The following RGPD3 variants were observed in gnomAD, a reference collection of about 807,000 sequenced individuals.
RGPD3 encodes RANBP2 like and GRIP domain containing 3.
A neutral mutation model predicts 154.5 loss-of-function variants in RGPD3; 62 were observed. The ratio of observed to expected loss-of-function variants is 0.40; its 90% confidence interval spans 0.33 to 0.50. The LOEUF is 0.50. Among genes scored for constraint, RGPD3 ranks in the 20% least tolerant of loss-of-function variants. The pLI is 0.59. For synonymous variants in RGPD3, 308 were observed against 607.0 expected, an observed-to-expected ratio of 0.51 and a Z score of 7.24; for missense variants, 919 against 1,716.8, an observed-to-expected ratio of 0.54 and a Z score of 8.21.
At chr2:106,466,253 T>C (rs1016451789) in intron 1 of RGPD3, among the ~76,000 whole-genome samples, 2 of 151,906 alleles carry the variant, frequency 1.3e-5, no homozygotes, top group South Asian at 2.1e-4. Flanking sequence ...TTCCTGCGCT[T>C]GCAAGCGCCG....
intron 22 of RGPD3, among the ~76,000 whole-genome samples, chr2:106,410,891 A>G (rs1478109665): frequency 6.6e-6 from 1 of 152,134 alleles, no homozygotes; most frequent in Non-Finnish European, 1.5e-5. Context: ...AACCTATCCT[A>G]TAGTTTGAAG....
At chr2:106,430,083 C>T (rs945060639) in intron 17 of RGPD3, among the ~76,000 whole-genome samples, 9 of 150,344 alleles carry the variant, frequency 6.0e-5, no homozygotes, top group Non-Finnish European at 8.9e-5. Flanking sequence ...GCGGTTTCAC[C>T]ATGTTTGCCA....
intron 22 of RGPD3, among the ~76,000 whole-genome samples, chr2:106,411,826 A>G (rs1375270925): frequency 3.3e-5 from 5 of 152,202 alleles, no homozygotes; most frequent in Non-Finnish European, 7.3e-5. Flanking sequence ...TCAAACAAAC[A>G]AAAACACAAC....
chr2:106,424,282 C>T lies in RGPD3; in HGVS notation c.3685G>A (p.Ala1229Thr). ...EENKGSGTGA[A>T]GASDTTIKPN... ...TTTATTGTTGTGTCTGAGGCACCGG[C>T]CGCACCTGTACCTGAACCCTTATTT... Residue 1229 changes from alanine (A) to threonine (T), a missense_variant, in exon 20 of 23, where the codon GCC becomes ACC. Physicochemically the swap from Ala to Thr is moderately conservative, Grantham distance 58. Coordinates refer to ENST00000409886, the MANE Select transcript of RGPD3 (RefSeq NM_001144013.2). 6.2e-7 allele frequency: 1 copy of T among 1,611,962 alleles called. No homozygotes were observed. The highest frequency in any genetic ancestry group is 8.5e-7 in the Non-Finnish European group (1 of 1,179,862).
At chr2:106,450,004 G>C (rs1167271794) in intron 6 of RGPD3, among the ~76,000 whole-genome samples, 1 of 148,186 alleles carries the variant, frequency 6.7e-6, no homozygotes, top group Non-Finnish European at 1.5e-5. Flanking sequence ...GCAACAGAGC[G>C]AGACTCCGTC....
At chr2:106,412,793 C>T in intron 22 of RGPD3, 2 of 588,828 alleles carry the variant, frequency 3.4e-6, no homozygotes, top group African/African-American at 1.8e-5. Flanking sequence ...AAACCACGTT[C>T]AGCTGAACAC....
rs556567987 is a variant in RGPD3 at position 106,437,840 on chromosome 2, A to G, written c.1277-986T>C. Reference sequence around the variant, plus strand: ...TATTTATAGTTTTAATACAGAGACTATGGGAGAGAATTCATGAAGGAAGCA... The same window carrying G: ...TATTTATAGTTTTAATACAGAGACTGTGGGAGAGAATTCATGAAGGAAGCA... On this transcript the variant is annotated intron_variant, in intron 9 of 22. Transcript: ENST00000409886. 1.6e-3 allele frequency among the ~76,000 whole-genome samples: 239 copies of G among 152,222 alleles called. 2 individuals are homozygous for G. The highest frequency in any genetic ancestry group is 3.4e-3 in the Middle Eastern group (1 of 294).
intron 22 of RGPD3, among the ~76,000 whole-genome samples, chr2:106,410,310 C>G (rs1385055152): frequency 1.3e-5 from 2 of 152,124 alleles, no homozygotes; most frequent in African/African-American, 4.8e-5. Context: ...CTTTAAAGGG[C>G]AAACTAATTT....
chr2:106,434,166 A>G (rs1296713817), intron 15 of RGPD3, 62 bp downstream of exon 15: 1 of 1,596,820 alleles, frequency 6.3e-7, no homozygotes, highest in Non-Finnish European at 8.5e-7. Context: ...TATAAGACCA[A>G]CGCAAAAACA....
At chr2:106,458,986 C>T (rs1486469756) in intron 2 of RGPD3, among the ~76,000 whole-genome samples, 2 of 141,258 alleles carry the variant, frequency 1.4e-5, no homozygotes, top group African/African-American at 5.0e-5. Flanking sequence ...AGGCATGGTC[C>T]TCTTTTACTT....
intron 7 of RGPD3, among the ~76,000 whole-genome samples, chr2:106,441,715 G>C (rs1320286963): frequency 6.6e-6 from 1 of 150,688 alleles, no homozygotes; most frequent in Non-Finnish European, 1.5e-5. Context: ...AAAAAACAAA[G>C]AGCCAGGCGT....
chr2:106,410,259 T>C (rs1272016121), intron 22 of RGPD3, among the ~76,000 whole-genome samples: 2 of 152,200 alleles, frequency 1.3e-5, no homozygotes, highest in Non-Finnish European at 2.9e-5. Flanking sequence ...ATAAGGTCTC[T>C]TTTATGTACT....
chr2:106,410,393 C>T (rs902847034), intron 22 of RGPD3, among the ~76,000 whole-genome samples: 1 of 152,062 alleles, frequency 6.6e-6, no homozygotes, highest in African/African-American at 2.4e-5. Flanking sequence ...TAATGTGTAT[C>T]TCCTCTATGA....
rs547215583 is a variant in RGPD3 at position 106,468,256 on chromosome 2, G to T, written c.33C>A (p.Tyr11Ter). Residue 11 changes from tyrosine to a stop codon, truncating the protein, a stop_gained, in exon 1 of 23, where the codon TAC becomes TAA. Transcript: ENST00000409886. LOFTEE classifies it high-confidence loss of function. MSCSKAYGERYVASVQGSAPS... is the reference protein window; with the variant it reads MSCSKAYGER ...GGGCGGAGCCCTGCACCGAGGCGAC[G>T]TACCGCTCCCCGTAGGCCTTGCTGC... 1.3e-5 allele frequency: 21 copies of T among 1,607,730 alleles called. No individual in the cohort carries two copies. The African/African-American group carries it at 2.4e-4, about 19-fold the overall frequency.
At chr2:106,410,499 C>A (rs575432379) in intron 22 of RGPD3, among the ~76,000 whole-genome samples, 1 of 152,122 alleles carries the variant, frequency 6.6e-6, no homozygotes, top group Non-Finnish European at 1.5e-5. Flanking sequence ...GCCACCTGGA[C>A]GTTAGCAACA....
intron 20 of RGPD3, among the ~76,000 whole-genome samples, chr2:106,420,967 A>G (rs1676966575): frequency 6.6e-6 from 1 of 152,062 alleles, no homozygotes; most frequent in Non-Finnish European, 1.5e-5. Flanking sequence ...TACACAGGTT[A>G]TATTTTATTT....
rs1448363930 is a variant in RGPD3 at position 106,416,002 on chromosome 2, G to C, written c.4925-13C>G. The C allele has an allele frequency of 2.5e-6, 4 of 1,611,210 alleles. No homozygotes were observed. In the African/African-American group the frequency reaches 5.4e-5, roughly 22 times the overall value. ...CATAATGGAGGCTCTGCAACATGTTGTTCCAAGAATTAATTTTCAAAATCA... is the reference window on the plus strand; with the variant it reads ...CATAATGGAGGCTCTGCAACATGTTCTTCCAAGAATTAATTTTCAAAATCA... On this transcript the variant is annotated splice_polypyrimidine_tract_variant and intron_variant, in intron 20 of 22. Coordinates refer to ENST00000409886, the MANE Select transcript of RGPD3 (RefSeq NM_001144013.2).
At chr2:106,421,889 A>G (rs1677001281) in intron 20 of RGPD3, among the ~76,000 whole-genome samples, 1 of 151,562 alleles carries the variant, frequency 6.6e-6, no homozygotes, top group South Asian at 2.1e-4. Context: ...ACATTTTAAA[A>G]AACAAACCAA....
chr2:106,470,935 C>G, upstream of RGPD3: 1 of 1,560,148 alleles, frequency 6.4e-7, no homozygotes, highest in Admixed American at 2.2e-5. Context: ...ACCTTTCCCA[C>G]CTTTAAGCAA....
Sources: gnomAD v4.1 joint callset for allele counts (sites outside exome capture counted in the v4.1 genomes callset) on GRCh38, gnomAD v4.1.1 for gene constraint, MANE v1.5 for transcripts, NCBI Gene and HGNC (gene_info 2026-07-23, HGNC 2026-07-21) for gene names.